SPOCK3: variants seen among roughly 807,000 people sequenced by gnomAD.
The protein encoded by SPOCK3 is SPARC (osteonectin), cwcv and kazal like domains proteoglycan 3.
SPOCK3 carries 30 observed loss-of-function variants against 56.6 expected under a neutral mutation model. The ratio of observed to expected loss-of-function variants is 0.53; its 90% CI spans 0.40 to 0.72. The LOEUF (loss-of-function observed/expected upper bound fraction) is 0.72, where lower values mean the gene tolerates loss of function less well. SPOCK3 is among the 30% of genes least tolerant of loss of function. The pLI, the probability that SPOCK3 is intolerant of heterozygous loss-of-function variation, is 0.00. For synonymous variants in SPOCK3, 196 were observed against 183.3 expected, an observed-to-expected ratio of 1.07 and a Z score of -0.56; for missense variants, 527 against 530.0, an observed-to-expected ratio of 0.99 and a Z score of 0.06.
intron 2 of SPOCK3, among the ~76,000 whole-genome samples, chr4:167,076,957 CAT>C (rs1234499095): frequency 6.6e-6 from 1 of 151,830 alleles, no homozygotes; most frequent in East Asian, 1.9e-4. Context: ...CAAGTCTGCA[CAT>C]GAGATTAAAA....
chr4:166,883,389 A>T (rs1733867857), intron 6 of SPOCK3: 1 of 152,228 alleles, frequency 6.6e-6, no homozygotes. Context: ...GAAGCTAATG[A>T]TTACAAACCT....
intron 2 of SPOCK3, among the ~76,000 whole-genome samples, chr4:167,191,505 A>G (rs1732468072): frequency 6.9e-6 from 1 of 145,612 alleles, no homozygotes; most frequent in African/African-American, 2.6e-5. Flanking sequence ...GGATTTTTCA[A>G]TTCCTTGGTT....
intron 2 of SPOCK3, among the ~76,000 whole-genome samples, chr4:167,074,309 G>T (rs115736030): frequency 0.024 from 3,640 of 151,892 alleles, 67 homozygotes; most frequent in South Asian, 0.046. Context: ...CAGAAATCTG[G>T]GCATGGTTTA....
chr4:167,081,436 A>G (rs1757697743), intron 2 of SPOCK3, among the ~76,000 whole-genome samples: 1 of 152,032 alleles, frequency 6.6e-6, no homozygotes, highest in South Asian at 2.1e-4. Flanking sequence ...CATTGTAGAG[A>G]GTCAACTCTC....
intron 2 of SPOCK3, among the ~76,000 whole-genome samples, chr4:167,207,236 T>A (rs1340340156): frequency 3.3e-5 from 5 of 152,104 alleles, no homozygotes; most frequent in African/African-American, 1.2e-4. Context: ...AATATTGTGA[T>A]TTATTTAAAC....
rs949388282 is a variant in SPOCK3 at position 166,734,715 on chromosome 4, T to G, written c.*206A>C. The G allele has an allele frequency of 1.1e-5, 5 of 467,882 alleles. No individual in the cohort carries two copies. The highest frequency in any genetic ancestry group is 1.5e-5 in the Non-Finnish European group (4 of 269,910). 29.0% of individuals were successfully genotyped at this position (467,882 alleles called of 1,614,324 possible). On this transcript the variant is annotated 3_prime_UTR_variant, in exon 11 of 11. Transcript: ENST00000357545. Reference sequence around the variant, plus strand: ...CTAGACTGCATATGTATTTTCTTTTTGTGTAAGGAATATAAAAACTCAAAG... The same window carrying G: ...CTAGACTGCATATGTATTTTCTTTTGGTGTAAGGAATATAAAAACTCAAAG...
intron 6 of SPOCK3, among the ~76,000 whole-genome samples, chr4:166,845,454 T>C (rs1747961156): frequency 6.6e-6 from 1 of 152,240 alleles, no homozygotes; most frequent in Admixed American, 6.5e-5. Context: ...TATTTCACTT[T>C]GTGCTATAAC....
intron 5 of SPOCK3, among the ~76,000 whole-genome samples, chr4:166,903,998 A>G (rs1736342872): frequency 6.6e-6 from 1 of 152,060 alleles, no homozygotes. Context: ...TTCTTTATCT[A>G]GAAAAATAAT....
At chr4:167,216,180 C>G (rs918557366) in intron 2 of SPOCK3, among the ~76,000 whole-genome samples, 3 of 151,822 alleles carry the variant, frequency 2.0e-5, no homozygotes, top group African/African-American at 4.8e-5. Flanking sequence ...ACATGATCTC[C>G]CTCTAACGTG....
chr4:166,752,196 T>C (rs2126477550), intron 8 of SPOCK3, among the ~76,000 whole-genome samples: 1 of 152,090 alleles, frequency 6.6e-6, no homozygotes, highest in African/African-American at 2.4e-5. Flanking sequence ...GGCTAATTTT[T>C]GTGTTTTTTG....
intron 3 of SPOCK3, among the ~76,000 whole-genome samples, chr4:167,060,098 A>T (rs951258218): frequency 1.3e-5 from 2 of 151,972 alleles, no homozygotes; most frequent in African/African-American, 4.8e-5. Flanking sequence ...ACATGTATAC[A>T]TATGTAACTA....
At chr4:167,210,186 A>T (rs956520194) in intron 2 of SPOCK3, among the ~76,000 whole-genome samples, 17 of 152,162 alleles carry the variant, frequency 1.1e-4, no homozygotes, top group African/African-American at 4.1e-4. Context: ...CCTATGGAAC[A>T]TGCCACGTAC....
chr4:166,736,550 ATTGT>A (rs1560801098), intron 10 of SPOCK3, among the ~76,000 whole-genome samples: 1 of 152,100 alleles, frequency 6.6e-6, no homozygotes, highest in Non-Finnish European at 1.5e-5. Flanking sequence ...GATTACTTTT[ATTGT>A]TTATCTTTTT....
chr4:166,879,639 G>T (rs544360028), intron 6 of SPOCK3, among the ~76,000 whole-genome samples: 1 of 152,266 alleles, frequency 6.6e-6, no homozygotes, highest in East Asian at 1.9e-4. Flanking sequence ...TTTTACATTT[G>T]TACTGTGTTC....
intron 2 of SPOCK3, among the ~76,000 whole-genome samples, chr4:167,119,329 A>G (rs1221207496): frequency 6.6e-6 from 1 of 152,190 alleles, no homozygotes; most frequent in Non-Finnish European, 1.5e-5. Context: ...AATCATATAT[A>G]CTTTGGTGAA....
At chr4:167,155,220 A>G (rs1764718820) in intron 2 of SPOCK3, among the ~76,000 whole-genome samples, 1 of 151,984 alleles carries the variant, frequency 6.6e-6, no homozygotes, top group African/African-American at 2.4e-5. Flanking sequence ...GCTTAAAGCA[A>G]TTCTCTTGTC....
rs1230603863 is a variant in SPOCK3, at chr4:166,889,156, G to A, written c.563C>T (p.Thr188Ile). 1 of 1,609,674 alleles carries A rather than the reference G, an allele frequency of 6.2e-7. No individual in the cohort carries two copies. Among genetic ancestry groups the A allele is most frequent in the Non-Finnish European group, 8.5e-7 (1 of 1,176,704 alleles). Residue 188 changes from threonine to isoleucine, a missense_variant, in exon 6 of 11, where the codon ACC (threonine) becomes ATC (isoleucine). By Grantham distance (89) the Thr-to-Ile change is moderately conservative. Coordinates refer to ENST00000357545, the MANE Select transcript of SPOCK3 (RefSeq NM_001040159.2). ...TCTCTTAACATTTCTGCTTGTACTG[G>A]TGGGCTTATCTGAAGGACATGGGCA... The part of the protein sequence containing the change: ...GHCPCPSDKP[T>I]STSRNVKRAC...
intron 4 of SPOCK3, 59 bp from the exon 5 acceptor site, chr4:166,912,802 T>C: frequency 7.0e-7 from 1 of 1,438,036 alleles, no homozygotes; most frequent in Non-Finnish European, 9.3e-7. Context: ...TACATTTATA[T>C]TAGCTCATTC....
At chr4:166,945,342 A>G (rs935964816) in intron 4 of SPOCK3, among the ~76,000 whole-genome samples, 1 of 152,208 alleles carries the variant, frequency 6.6e-6, no homozygotes, top group African/African-American at 2.4e-5. Flanking sequence ...TTTTATAACT[A>G]TAGGTTTTCA....
Sources: gnomAD v4.1 joint callset for allele counts (sites outside exome capture counted in the v4.1 genomes callset) on GRCh38, gnomAD v4.1.1 for gene constraint, MANE v1.5 for transcripts, NCBI Gene and HGNC (gene_info 2026-07-23, HGNC 2026-07-21) for gene names.